The following HIF1AN variants were observed in gnomAD, a reference collection of about 807,000 sequenced individuals.
The protein encoded by HIF1AN is hypoxia-inducible factor 1-alpha inhibitor.
HIF1AN carries 21 observed loss-of-function variants against 47.7 expected under a neutral mutation model. The observed-to-expected ratio is 0.44, with a 90% CI of 0.31 to 0.63. The LOEUF (loss-of-function observed/expected upper bound fraction) is 0.63. HIF1AN is among the 30% of genes least tolerant of loss of function. The probability of loss-of-function intolerance (pLI) is 0.07; values close to 1 mark genes in which losing one functional copy is unlikely to be tolerated. For missense variants in HIF1AN, 320 were observed against 432.7 expected, an observed-to-expected ratio of 0.74 and a Z score of 2.31; for synonymous variants, 152 against 155.9, an observed-to-expected ratio of 0.98 and a Z score of 0.18.
Position 100,535,951 on chromosome 10 carries a change from C to G in HIF1AN, c.-8C>G. On this transcript the variant is annotated 5_prime_UTR_variant, in exon 1 of 8. Transcript: ENST00000299163. ...CGGTTCCGGTGGGGGCCGTCCCTGG[C>G]GGCGGAGATGGCGGCGACAGCGGCG... The G allele has an allele frequency of 6.5e-7, 1 of 1,543,956 alleles. No individual in the cohort carries two copies. The highest frequency in any genetic ancestry group is 8.7e-7 in the Non-Finnish European group (1 of 1,145,768).
rs1364010489 is a variant in HIF1AN, at chr10:100,550,751, C to G, written c.*2614C>G. ...TGTCTAATTGCATTACTTATGTGTC[C>G]TTGAATAGGACCCATAACTCCTCCC... On this transcript the variant is annotated 3_prime_UTR_variant, in exon 8 of 8. Transcript: ENST00000299163. 1 of 152,150 alleles carries G rather than the reference C, an allele frequency of 6.6e-6. No homozygotes were observed. Among genetic ancestry groups the G allele is most frequent in the Non-Finnish European group, 1.5e-5 (1 of 68,048 alleles). The allele number at this position is 152,150 out of a possible 1,614,324, so 9.4% of individuals were successfully genotyped here. A position where few individuals can be genotyped will look rare whatever the true frequency, so the allele number is the denominator to read the frequency against.
At chr10:100,542,752 C>T (rs1843051760) in intron 3 of HIF1AN, among the ~76,000 whole-genome samples, 1 of 151,984 alleles carries the variant, frequency 6.6e-6, no homozygotes, top group African/African-American at 2.4e-5. Flanking sequence ...GTCTCTTAGC[C>T]TCCCAATTTC....
rs1843147766 is a variant in HIF1AN at position 100,550,580 on chromosome 10, G to A, written c.*2443G>A. The A allele has an allele frequency of 6.6e-6, 1 of 152,204 alleles. No individual in the cohort carries two copies. Among genetic ancestry groups the A allele is most frequent in the African/African-American group, 2.4e-5 (1 of 41,454 alleles). The allele number at this position is 152,204 out of a possible 1,614,324, so 9.4% of individuals were successfully genotyped here. On this transcript the variant is annotated 3_prime_UTR_variant, in exon 8 of 8. Coordinates refer to ENST00000299163, the MANE Select transcript of HIF1AN (RefSeq NM_017902.3). ...ATCACCCCACTGGGCAGTATCTGAA[G>A]GCAGACCCAGCCCAAGATGGTGCAG...
At chr10:100,544,127 A>G (rs541880183) in intron 3 of HIF1AN, among the ~76,000 whole-genome samples, 1 of 152,358 alleles carries the variant, frequency 6.6e-6, no homozygotes, top group East Asian at 1.9e-4. Context: ...CTAGTTAGAA[A>G]GGAGTAGATG....
intron 3 of HIF1AN, among the ~76,000 whole-genome samples, chr10:100,541,565 G>C (rs1441017045): frequency 6.6e-6 from 1 of 151,852 alleles, no homozygotes; most frequent in Non-Finnish European, 1.5e-5. Context: ...CAGTTGTGTG[G>C]TCTCGGCTCA....
intron 3 of HIF1AN, among the ~76,000 whole-genome samples, chr10:100,543,301 C>A (rs1417342379): frequency 6.6e-6 from 1 of 152,080 alleles, no homozygotes; most frequent in East Asian, 1.9e-4. Context: ...ACGATCCTCC[C>A]ACCTCACCCT....
chr10:100,546,675 A>G (rs749230768), intron 6 of HIF1AN, 94 bp downstream of exon 6: 7 of 927,954 alleles, frequency 7.5e-6, no homozygotes, highest in South Asian at 2.7e-5. Context: ...ATGGTTGACT[A>G]TCCCTGGAAG....
intron 2 of HIF1AN, among the ~76,000 whole-genome samples, chr10:100,539,804 C>A (rs1467864097): frequency 6.6e-6 from 1 of 152,170 alleles, no homozygotes; most frequent in East Asian, 1.9e-4. Context: ...AGGGAACCAG[C>A]TCTTGGTGAA....
At chr10:100,540,848 A>G (rs894269252) in intron 3 of HIF1AN, 66 bp downstream of exon 3, 3 of 1,374,366 alleles carry the variant, frequency 2.2e-6, no homozygotes, top group Non-Finnish European at 2.9e-6. Flanking sequence ...TCCTGTCTTC[A>G]CCGCTTATTA....
chr10:100,538,160 A>G lies in HIF1AN; in HGVS notation c.428+1499A>G, dbSNP rs185354682. 7.2e-5 allele frequency among the ~76,000 whole-genome samples: 11 copies of G among 152,340 alleles called. No homozygotes were observed. In the East Asian group the frequency reaches 1.9e-3, roughly 27 times the overall value. ...GTGTCCCATAGTGAGAGCATTTTGCATAAGAATGAGTGTAATCTGTACTTT... is the reference window on the plus strand; with the variant it reads ...GTGTCCCATAGTGAGAGCATTTTGCGTAAGAATGAGTGTAATCTGTACTTT... On this transcript the variant is annotated intron_variant, in intron 2 of 7. Coordinates refer to ENST00000299163, the MANE Select transcript of HIF1AN (RefSeq NM_017902.3).
Position 100,559,606 on chromosome 10 carries a change from C to T in HIF1AN, c.*11469C>T, listed in dbSNP as rs1012276771. Reference sequence around the variant, plus strand: ...GCTAATTTTTTATTTTTTGTAGAGACAGGGGCCTCACTTCATTGCCCAGGC... The same window carrying T: ...GCTAATTTTTTATTTTTTGTAGAGATAGGGGCCTCACTTCATTGCCCAGGC... On this transcript the variant is annotated 3_prime_UTR_variant, in exon 8 of 8. Coordinates refer to ENST00000299163, the MANE Select transcript of HIF1AN (RefSeq NM_017902.3). The T allele has an allele frequency of 2.6e-5, 4 of 152,014 alleles. No individual in the cohort carries two copies. The highest frequency in any genetic ancestry group is 2.0e-4 in the Admixed American group (3 of 15,252). 9.4% of individuals were successfully genotyped at this position (152,014 alleles called of 1,614,324 possible). A position where few individuals can be genotyped will look rare whatever the true frequency, so the allele number is the denominator to read the frequency against.
chr10:100,545,164 T>G (rs1437859829), intron 4 of HIF1AN, 68 bp downstream of exon 4: 3 of 1,528,654 alleles, frequency 2.0e-6, no homozygotes, highest in African/African-American at 2.7e-5. Context: ...TGGAATGTCT[T>G]TCCCCTTCCC....
intron 2 of HIF1AN, among the ~76,000 whole-genome samples, chr10:100,537,615 C>T (rs1852240760): frequency 6.6e-6 from 1 of 152,208 alleles, no homozygotes; most frequent in African/African-American, 2.4e-5. Flanking sequence ...CTTATGAGGA[C>T]AGCCTCTTAT....
rs1843141936 is a variant in HIF1AN, at chr10:100,550,052, C to T, written c.*1915C>T. On this transcript the variant is annotated 3_prime_UTR_variant, in exon 8 of 8. Transcript: ENST00000299163. ...CCACTTCTTTTGGGAAAGAGGAGCA[C>T]AGGAGCGGAGGAAAAACTTGGCCAC... 6.6e-6 allele frequency: 1 copy of T among 152,170 alleles called. No individual in the cohort carries two copies. Among genetic ancestry groups the T allele is most frequent in the Non-Finnish European group, 1.5e-5 (1 of 68,038 alleles). 9.4% of individuals were successfully genotyped at this position (152,170 alleles called of 1,614,324 possible).
chr10:100,559,731 A>G lies in HIF1AN; in HGVS notation c.*11594A>G, dbSNP rs1436165652. The G allele has an allele frequency of 6.6e-6, 1 of 152,180 alleles. No individual in the cohort carries two copies. The highest frequency in any genetic ancestry group is 2.4e-5 in the African/African-American group (1 of 41,422). 9.4% of individuals were successfully genotyped at this position (152,180 alleles called of 1,614,324 possible). A position where few individuals can be genotyped will look rare whatever the true frequency, so the allele number is the denominator to read the frequency against. ...GTGCCTGGCCTTGAATATATTTTTT[A>G]ACCAAAGTAATTTATGAATATAAAT... On this transcript the variant is annotated 3_prime_UTR_variant, in exon 8 of 8. Transcript: ENST00000299163.
At position 100,555,515 on chromosome 10, in the gene HIF1AN, TCTC is replaced by T. The variant is rs1196732607; in HGVS notation, c.*7385_*7387del. 3.3e-5 allele frequency: 5 copies of T among 152,208 alleles called. No homozygotes were observed. Among genetic ancestry groups the T allele is most frequent in the East Asian group, 1.9e-4 (1 of 5,196 alleles). 9.4% of individuals were successfully genotyped at this position (152,208 alleles called of 1,614,324 possible). ...GGGTCTATCCCCACGCCCAGCCACC[TCTC>T]CTCCTCACTATAAGCCAAGTCTCCC... On this transcript the variant is annotated 3_prime_UTR_variant, in exon 8 of 8. Coordinates refer to ENST00000299163, the MANE Select transcript of HIF1AN (RefSeq NM_017902.3).
intron 6 of HIF1AN, among the ~76,000 whole-genome samples, chr10:100,546,888 C>T (rs1778565021): frequency 1.3e-5 from 2 of 152,080 alleles, no homozygotes; most frequent in Admixed American, 1.3e-4. Context: ...TATAGGCACA[C>T]ACCACCATGC....
At position 100,553,772 on chromosome 10, in the gene HIF1AN, A is replaced by G. The variant is rs760054219; in HGVS notation, c.*5635A>G. The G allele has an allele frequency of 2.6e-5, 4 of 152,244 alleles. No homozygotes were observed. The highest frequency in any genetic ancestry group is 4.4e-5 in the Non-Finnish European group (3 of 68,060). The allele number at this position is 152,244 out of a possible 1,614,324, so 9.4% of individuals were successfully genotyped here. A position where few individuals can be genotyped will look rare whatever the true frequency, so the allele number is the denominator to read the frequency against. On this transcript the variant is annotated 3_prime_UTR_variant, in exon 8 of 8. Coordinates refer to ENST00000299163, the MANE Select transcript of HIF1AN (RefSeq NM_017902.3). ...GATTTACTTAACCTCTCTGAGCCTCAGTTTCCTCAACTATAATAACATGGG... is the reference window on the plus strand; with the variant it reads ...GATTTACTTAACCTCTCTGAGCCTCGGTTTCCTCAACTATAATAACATGGG...
intron 2 of HIF1AN, among the ~76,000 whole-genome samples, chr10:100,538,905 CTTTTT>C (rs371921651): frequency 1.8e-5 from 2 of 112,770 alleles, no homozygotes; most frequent in Admixed American, 8.9e-5. Context: ...TTGAACCTTT[CTTTTT>C]TTTTTTTTTT....
Sources: gnomAD v4.1 joint callset for allele counts (sites outside exome capture counted in the v4.1 genomes callset) on GRCh38, gnomAD v4.1.1 for gene constraint, MANE v1.5 for transcripts, NCBI Gene and HGNC (gene_info 2026-07-23, HGNC 2026-07-21) for gene names.